LARGE1: variants seen among roughly 807,000 people sequenced by gnomAD.
LARGE1 encodes xylosyl- and glucuronyltransferase LARGE1.
In LARGE1, 43 loss-of-function variants were observed where a neutral mutation model predicts 87.6. The observed-to-expected ratio is 0.49, with a 90% CI of 0.38 to 0.63. LARGE1 has a LOEUF of 0.63. Ranked by LOEUF, LARGE1 falls within the 30% of genes least tolerant of loss-of-function variation. LARGE1 has a pLI of 0.00. For synonymous variants in LARGE1, 434 were observed against 394.6 expected (o/e 1.10, Z -1.18); for missense variants, 802 against 1,000.2 (o/e 0.80, Z 2.67).
intron 2 of LARGE1, chr22:33,726,225 C>T (rs2083269350): frequency 6.6e-6 from 1 of 151,536 alleles, no homozygotes; most frequent in South Asian, 2.1e-4. Flanking sequence ...TAGAGTGCAA[C>T]AGACAGGCAG....
chr22:33,740,459 G>T (rs569628829), intron 2 of LARGE1, among the ~76,000 whole-genome samples: 1 of 151,888 alleles, frequency 6.6e-6, no homozygotes, highest in Non-Finnish European at 1.5e-5. Flanking sequence ...GGTTTCCTCC[G>T]AGGACCTATT....
At chr22:33,675,688 T>G (rs1436953063) in intron 2 of LARGE1, among the ~76,000 whole-genome samples, 3 of 152,166 alleles carry the variant, frequency 2.0e-5, no homozygotes, top group African/African-American at 7.2e-5. Flanking sequence ...TACCACAATT[T>G]TGAGTCACCT....
chr22:33,535,909 G>A (rs376082723), intron 6 of LARGE1, among the ~76,000 whole-genome samples: 5 of 152,110 alleles, frequency 3.3e-5, no homozygotes, highest in African/African-American at 9.7e-5. Flanking sequence ...TGTGAACTAC[G>A]CCTTCTTTTA....
intron 6 of LARGE1, among the ~76,000 whole-genome samples, chr22:33,549,387 G>T (rs1202410836): frequency 6.6e-6 from 1 of 152,246 alleles, no homozygotes; most frequent in Non-Finnish European, 1.5e-5. Flanking sequence ...CAGATGAGCT[G>T]CAAGTTGTTC....
At chr22:33,347,347 C>T (rs1439127402) in intron 9 of LARGE1, among the ~76,000 whole-genome samples, 1 of 152,166 alleles carries the variant, frequency 6.6e-6, no homozygotes, top group East Asian at 1.9e-4. Flanking sequence ...TTTGGAGTGC[C>T]ACAGTGCTTG....
chr22:33,883,445 C>A (rs1185919276), intron 1 of LARGE1, among the ~76,000 whole-genome samples: 1 of 152,188 alleles, frequency 6.6e-6, no homozygotes, highest in East Asian at 1.9e-4. Context: ...TGAAGTACAG[C>A]CCTCCGCAGT....
intron 1 of LARGE1, among the ~76,000 whole-genome samples, chr22:33,817,859 G>T (rs1174207179): frequency 6.6e-6 from 1 of 151,848 alleles, no homozygotes; most frequent in African/African-American, 2.4e-5. Flanking sequence ...CGGTAAGGTA[G>T]GACAAAATCA....
chr22:33,373,622 A>G (rs1322325723), intron 9 of LARGE1, among the ~76,000 whole-genome samples: 1 of 148,112 alleles, frequency 6.8e-6, no homozygotes, highest in East Asian at 1.9e-4. Flanking sequence ...TAAGTTTTCC[A>G]TTCCTTCCTG....
chr22:33,536,968 C>T (rs189905847), intron 6 of LARGE1, among the ~76,000 whole-genome samples: 23 of 152,290 alleles, frequency 1.5e-4, no homozygotes, highest in African/African-American at 4.8e-4. Flanking sequence ...TGCGCCACCA[C>T]GCCTGGCTAA....
In LARGE1 at chr22:33,504,897, T is replaced by C. The variant is rs142643732; in HGVS notation, c.787+59951A>G. Among the ~76,000 whole-genome samples, 821 of 152,346 alleles carry C rather than the reference T, an allele frequency of 5.4e-3. 8 individuals carry two copies. Among genetic ancestry groups the C allele is most frequent in the African/African-American group, 0.019 (776 of 41,584 alleles). On this transcript the variant is annotated intron_variant, in intron 6 of 14. Transcript: ENST00000397394. ...CATTTGAAAGCACAACTAATCATATTCGCAGGCAAGCACTGTATTGCTAAA... is the reference window on the plus strand; with the variant it reads ...CATTTGAAAGCACAACTAATCATATCCGCAGGCAAGCACTGTATTGCTAAA...
chr22:33,761,768 GCT>G (rs2084740339), intron 1 of LARGE1, among the ~76,000 whole-genome samples: 1 of 152,016 alleles, frequency 6.6e-6, no homozygotes. Context: ...CTGTAAGCTC[GCT>G]CTCTCACACA....
At chr22:33,080,638 C>T in the LARGE1 span, among the ~76,000 whole-genome samples, 2 of 152,252 alleles carry the variant, frequency 1.3e-5, no homozygotes, top group South Asian at 4.2e-4. Context: ...GTGAACAGCT[C>T]TAATGACTAA....
At chr22:33,453,410 A>G (rs12158851) in intron 6 of LARGE1, among the ~76,000 whole-genome samples, 5,120 of 151,100 alleles carry the variant, frequency 0.034, 201 homozygotes, top group African/African-American at 0.099. Context: ...GCGAGACTCC[A>G]TCTCAAAAAA....
chr22:33,879,122 G>A (rs752825156), intron 1 of LARGE1, among the ~76,000 whole-genome samples: 4 of 151,988 alleles, frequency 2.6e-5, no homozygotes, highest in East Asian at 1.9e-4. Context: ...ACAGGCATGC[G>A]CCACGATGCC....
intron 4 of LARGE1, among the ~76,000 whole-genome samples, chr22:33,610,772 C>A (rs1473838666): frequency 6.6e-6 from 1 of 152,136 alleles, no homozygotes; most frequent in Non-Finnish European, 1.5e-5. Flanking sequence ...GGCTGCCCCT[C>A]CCATTACAGG....
the LARGE1 span, among the ~76,000 whole-genome samples, chr22:33,125,674 T>C: frequency 5.9e-5 from 9 of 152,224 alleles, no homozygotes; most frequent in Admixed American, 5.9e-4. Flanking sequence ...CTCGATCTCC[T>C]GACCTCGTGA....
In LARGE1 at chr22:33,367,815, T is replaced by A. The variant is rs578014692; in HGVS notation, c.1131+14104A>T. On this transcript the variant is annotated intron_variant, in intron 9 of 14. Transcript: ENST00000397394. ...ACTTTTCTTCTTTTTAATATAAACA[T>A]TTAAGGATATACATTTCCTTACATG... Among the ~76,000 whole-genome samples, 9 of 152,202 alleles carry A rather than the reference T, an allele frequency of 5.9e-5. 1 individual carries two copies. The highest frequency in any genetic ancestry group is 1.2e-4 in the Non-Finnish European group (8 of 68,036).
chr22:33,853,900 ACCTCT>A (rs1213846756), intron 1 of LARGE1, among the ~76,000 whole-genome samples: 1 of 152,144 alleles, frequency 6.6e-6, no homozygotes, highest in East Asian at 1.9e-4. Flanking sequence ...CCCCGAGAAC[ACCTCT>A]CAGTTCAGCT....
intron 1 of LARGE1, among the ~76,000 whole-genome samples, chr22:33,794,368 G>T (rs1220448138): frequency 6.6e-6 from 1 of 152,178 alleles, no homozygotes; most frequent in Non-Finnish European, 1.5e-5. Flanking sequence ...TCAGGCTGGG[G>T]CATGGAGTAC....
Sources: gnomAD v4.1 joint callset for allele counts (sites outside exome capture counted in the v4.1 genomes callset) on GRCh38, gnomAD v4.1.1 for gene constraint, MANE v1.5 for transcripts, NCBI Gene and HGNC (gene_info 2026-07-23, HGNC 2026-07-21) for gene names.